CAST: variants seen among roughly 807,000 people sequenced by gnomAD.
CAST encodes the protein calpastatin.
A neutral mutation model predicts 119.6 loss-of-function variants in CAST; 76 were observed. The ratio of observed to expected loss-of-function variants is 0.64; its 90% confidence interval spans 0.53 to 0.77. The LOEUF (loss-of-function observed/expected upper bound fraction) is 0.77. Among genes scored for constraint, CAST ranks in the 30% least tolerant of loss-of-function variants. The probability of loss-of-function intolerance (pLI) is 0.00; values close to 1 mark genes in which losing one functional copy is unlikely to be tolerated. For missense variants in CAST, 953 were observed against 946.5 expected (o/e 1.01, Z -0.09); for synonymous variants, 319 against 331.6 (o/e 0.96, Z 0.41).
chr5:96,054,730 C>G, the CAST span, among the ~76,000 whole-genome samples: 2 of 152,096 alleles, frequency 1.3e-5, no homozygotes, highest in African/African-American at 4.8e-5. Context: ...TAGTTCAATA[C>G]TATTTATTTT....
At chr5:96,466,126 A>C in the CAST span, among the ~76,000 whole-genome samples, 1 of 152,178 alleles carries the variant, frequency 6.6e-6, no homozygotes, top group African/African-American at 2.4e-5. Flanking sequence ...TAACGCATGT[A>C]ACAGTGAAAA....
At chr5:96,318,917 A>G in the CAST span, 3 of 152,106 alleles carry the variant, frequency 2.0e-5, no homozygotes, top group Non-Finnish European at 4.4e-5. Context: ...TTACTCTTTT[A>G]AGTCTCATGA....
the CAST span, among the ~76,000 whole-genome samples, chr5:96,096,219 C>T: frequency 6.6e-6 from 1 of 152,144 alleles, no homozygotes; most frequent in African/African-American, 2.4e-5. Flanking sequence ...AAGATAAGGA[C>T]AAGAAACTTT....
chr5:96,283,023 G>A, the CAST span, among the ~76,000 whole-genome samples: 2 of 150,164 alleles, frequency 1.3e-5, no homozygotes, highest in African/African-American at 4.9e-5. Flanking sequence ...CCAGCTACTC[G>A]GGAGGCTGAG....
chr5:96,526,582 C>G (rs1253904529), upstream of CAST, among the ~76,000 whole-genome samples: 2 of 152,084 alleles, frequency 1.3e-5, no homozygotes, highest in South Asian at 4.1e-4. Context: ...TCCTTTACTT[C>G]AATATAGTCA....
chr5:95,978,789 T>C, the CAST span, among the ~76,000 whole-genome samples: 1 of 152,334 alleles, frequency 6.6e-6, no homozygotes, highest in African/African-American at 2.4e-5. Flanking sequence ...TACAACATAA[T>C]ATTTTTTAAA....
chr5:96,535,360 A>G (rs1745790908), intron 1 of CAST, among the ~76,000 whole-genome samples: 1 of 149,582 alleles, frequency 6.7e-6, no homozygotes, highest in African/African-American at 2.5e-5. Context: ...CTTTTCATTT[A>G]TCATTGTGGA....
chr5:96,124,360 A>G, the CAST span, among the ~76,000 whole-genome samples: 4 of 152,098 alleles, frequency 2.6e-5, no homozygotes, highest in African/African-American at 7.2e-5. Flanking sequence ...CCCAACTCTA[A>G]GACAGAGTTT....
chr5:96,398,929 A>G, the CAST span: 3 of 1,613,512 alleles, frequency 1.9e-6, no homozygotes, highest in Non-Finnish European at 2.5e-6. Context: ...GGAATATTCA[A>G]TTGTTGCTTC....
At chr5:96,121,558 A>T in the CAST span, among the ~76,000 whole-genome samples, 1 of 152,108 alleles carries the variant, frequency 6.6e-6, no homozygotes, top group African/African-American at 2.4e-5. Context: ...GTGAGTTTAC[A>T]CAGTCAGCGT....
intron 1 of CAST, among the ~76,000 whole-genome samples, chr5:96,641,289 C>G (rs545393976): frequency 6.6e-6 from 1 of 152,050 alleles, no homozygotes; most frequent in South Asian, 2.1e-4. Context: ...TAAAAATTAC[C>G]TCTCTAGGTC....
the CAST span, among the ~76,000 whole-genome samples, chr5:96,471,801 T>G: frequency 5.3e-5 from 8 of 151,732 alleles, no homozygotes; most frequent in African/African-American, 1.9e-4. Context: ...TGTGTGTGAT[T>G]TGCATATGCG....
intron 13 of CAST, 148 bp downstream of exon 13, chr5:96,740,931 G>T (rs566276308): frequency 4.7e-6 from 3 of 639,298 alleles, no homozygotes; most frequent in South Asian, 3.9e-5. Flanking sequence ...GAAAGGGGTT[G>T]GTGGGAGGGT....
chr5:96,609,633 CTTTGAT>C (rs760308480), intron 1 of CAST, among the ~76,000 whole-genome samples: 1 of 152,040 alleles, frequency 6.6e-6, no homozygotes, highest in Non-Finnish European at 1.5e-5. Flanking sequence ...CCAGAAACCT[CTTTGAT>C]TTTAATTAAA....
the CAST span, among the ~76,000 whole-genome samples, chr5:96,295,873 A>G: frequency 6.6e-6 from 1 of 152,198 alleles, no homozygotes; most frequent in Non-Finnish European, 1.5e-5. Context: ...GGCATCATGT[A>G]TGCACACATA....
chr5:96,383,969 G>A, the CAST span, among the ~76,000 whole-genome samples: 1 of 152,144 alleles, frequency 6.6e-6, no homozygotes, highest in Admixed American at 6.6e-5. Flanking sequence ...TCAGGGAGAT[G>A]AGTAGGAGGC....
intron 1 of CAST, among the ~76,000 whole-genome samples, chr5:96,533,038 TA>T (rs1554066148): frequency 2.4e-5 from 3 of 124,572 alleles, no homozygotes; most frequent in Non-Finnish European, 5.4e-5. Flanking sequence ...AAAAAAAAAA[TA>T]AAAATAAAAA....
the CAST span, among the ~76,000 whole-genome samples, chr5:96,516,561 G>A: frequency 5.3e-5 from 8 of 152,140 alleles, no homozygotes; most frequent in African/African-American, 1.9e-4. Flanking sequence ...TTTTGCAATG[G>A]CAGGATGATG....
chr5:96,059,315 G>A, the CAST span, among the ~76,000 whole-genome samples: 2 of 152,108 alleles, frequency 1.3e-5, no homozygotes, highest in Non-Finnish European at 2.9e-5. Context: ...CCACCCTAGT[G>A]AAAAGCTACA....
Sources: allele counts gnomAD v4.1 joint callset (sites outside exome capture counted in the v4.1 genomes callset), GRCh38; gene constraint gnomAD v4.1.1; transcripts MANE v1.5; gene names NCBI Gene and HGNC (gene_info 2026-07-23, HGNC 2026-07-21).